The following WWOX variants were observed in gnomAD, a reference collection of about 807,000 sequenced individuals.
The protein encoded by WWOX is WW domain containing oxidoreductase.
Under a neutral mutation model 46.2 loss-of-function variants are expected in WWOX, and 69 were observed. The observed-to-expected ratio is 1.49, with a 90% CI of 1.23 to 1.82. The LOEUF (loss-of-function observed/expected upper bound fraction) is 1.82. Among genes scored for constraint, WWOX ranks in the 40% most tolerant of loss-of-function variants. The pLI, the probability that WWOX is intolerant of heterozygous loss-of-function variation, is 0.00. For synonymous variants in WWOX, 359 were observed against 202.6 expected, an observed-to-expected ratio of 1.77 and a Z score of -6.56; for missense variants, 919 against 542.6, an observed-to-expected ratio of 1.69 and a Z score of -6.89.
At chr16:78,698,965 C>T (rs571269407) in intron 8 of WWOX, among the ~76,000 whole-genome samples, 1 of 152,190 alleles carries the variant, frequency 6.6e-6, no homozygotes, top group Non-Finnish European at 1.5e-5. Flanking sequence ...AAAATAGAAA[C>T]TGTTAGGCCA....
At chr16:78,258,520 C>G (rs934625517) in intron 5 of WWOX, among the ~76,000 whole-genome samples, 2 of 152,082 alleles carry the variant, frequency 1.3e-5, no homozygotes, top group African/African-American at 2.4e-5. Flanking sequence ...TGCCAGGGCT[C>G]TGCTTTAAAA....
At chr16:78,817,482 G>T (rs985006589) in intron 8 of WWOX, among the ~76,000 whole-genome samples, 1 of 152,148 alleles carries the variant, frequency 6.6e-6, no homozygotes, top group Non-Finnish European at 1.5e-5. Flanking sequence ...CTCTGGATGT[G>T]CATAAGGCAC....
At chr16:78,268,889 C>G (rs6564518) in intron 5 of WWOX, among the ~76,000 whole-genome samples, 260 of 152,158 alleles carry the variant, frequency 1.7e-3, no homozygotes, top group African/African-American at 6.1e-3. Context: ...ATTAAAAAAA[C>G]CCTTTCTATT....
intron 5 of WWOX, among the ~76,000 whole-genome samples, chr16:78,308,708 A>G (rs2080179028): frequency 6.6e-6 from 1 of 152,202 alleles, no homozygotes; most frequent in Non-Finnish European, 1.5e-5. Flanking sequence ...GATAAGAGAT[A>G]TTTACCATTT....
intron 1 of WWOX, among the ~76,000 whole-genome samples, chr16:78,102,821 G>A (rs909209549): frequency 6.6e-6 from 1 of 152,142 alleles, no homozygotes; most frequent in Admixed American, 6.5e-5. Context: ...GAAGCCATAA[G>A]ATGAGCCCCT....
Position 78,341,239 on chromosome 16 carries a change from C to G in WWOX, c.517-45621C>G, listed in dbSNP as rs149089134. On this transcript the variant is annotated intron_variant, in intron 5 of 8. Coordinates refer to ENST00000566780, the MANE Select transcript of WWOX (RefSeq NM_016373.4). ...CTGGTCTCACTGTAATTCCTGGGCT[C>G]AAGTTACCTCTCACCTTGGCCTCCC... 1.0e-4 allele frequency among the ~76,000 whole-genome samples: 10 copies of G among 99,646 alleles called. No individual in the cohort carries two copies. The East Asian group carries it at 1.7e-3, about 17-fold the overall frequency. The allele number at this position is 99,646 out of a possible 152,430, so 65.4% of individuals were successfully genotyped here. A position where few individuals can be genotyped will look rare whatever the true frequency, so the allele number is the denominator to read the frequency against.
Position 78,801,770 on chromosome 16 carries a change from A to G in WWOX, c.1056+369018A>G, listed in dbSNP as rs574958304. On this transcript the variant is annotated intron_variant, in intron 8 of 8. Transcript: ENST00000566780. ...AGTGTATATGGATTGATGACATTTCAGTTTCAGACAAAGGGACATTTCATT... is the reference window on the plus strand; with the variant it reads ...AGTGTATATGGATTGATGACATTTCGGTTTCAGACAAAGGGACATTTCATT... Among the ~76,000 whole-genome samples, 36 of 152,314 alleles carry G rather than the reference A, an allele frequency of 2.4e-4. 1 individual carries two copies. The South Asian group carries it at 6.4e-3, about 27-fold the overall frequency.
At chr16:78,621,958 C>A (rs986625491) in intron 8 of WWOX, among the ~76,000 whole-genome samples, 1 of 151,972 alleles carries the variant, frequency 6.6e-6, no homozygotes, top group Non-Finnish European at 1.5e-5. Context: ...TGAAATTGTA[C>A]TGGTTTTTCT....
At chr16:79,069,297 G>T (rs143373035) in intron 8 of WWOX, among the ~76,000 whole-genome samples, 1 of 152,204 alleles carries the variant, frequency 6.6e-6, no homozygotes, top group Non-Finnish European at 1.5e-5. Flanking sequence ...AGCGAAGGCC[G>T]TGTGGCTTCG....
chr16:79,068,968 G>A (rs775410215), intron 8 of WWOX, among the ~76,000 whole-genome samples: 19 of 152,092 alleles, frequency 1.2e-4, no homozygotes, highest in African/African-American at 3.4e-4. Context: ...GTTGTCTTAC[G>A]CACAGGCGTA....
chr16:79,154,187 C>T (rs569160390), intron 8 of WWOX, among the ~76,000 whole-genome samples: 26 of 152,200 alleles, frequency 1.7e-4, no homozygotes, highest in East Asian at 1.9e-4. Context: ...CACTACAGAT[C>T]GACACCCACT....
At chr16:78,993,926 C>T (rs2046938373) in intron 8 of WWOX, among the ~76,000 whole-genome samples, 1 of 152,166 alleles carries the variant, frequency 6.6e-6, no homozygotes, top group South Asian at 2.1e-4. Context: ...TATGTGACCG[C>T]TTCCCCCGTG....
chr16:78,942,321 T>G (rs964402342), intron 8 of WWOX, among the ~76,000 whole-genome samples: 3 of 152,168 alleles, frequency 2.0e-5, no homozygotes, highest in African/African-American at 7.2e-5. Flanking sequence ...GGGTTAAAAG[T>G]CATCAAGCTG....
chr16:79,014,759 C>T (rs957717059), intron 8 of WWOX, among the ~76,000 whole-genome samples: 4 of 152,126 alleles, frequency 2.6e-5, no homozygotes, highest in African/African-American at 4.8e-5. Context: ...TAAGTGGATT[C>T]GAGTTAGTTT....
At chr16:78,567,874 C>G (rs1289894881) in intron 8 of WWOX, among the ~76,000 whole-genome samples, 1 of 152,118 alleles carries the variant, frequency 6.6e-6, no homozygotes, top group African/African-American at 2.4e-5. Context: ...GCAGCTCGTC[C>G]CGTGTCTAAT....
intron 8 of WWOX, among the ~76,000 whole-genome samples, chr16:78,635,031 C>G (rs915434710): frequency 6.6e-6 from 1 of 152,088 alleles, no homozygotes; most frequent in African/African-American, 2.4e-5. Context: ...CTCATCCAAC[C>G]CTGACGGCTT....
Position 78,589,346 on chromosome 16 carries a change from G to T in WWOX, c.1056+156594G>T, listed in dbSNP as rs1157895775. Among the ~76,000 whole-genome samples, 4 of 152,304 alleles carry T rather than the reference G, an allele frequency of 2.6e-5. No homozygotes were observed. In the East Asian group the frequency reaches 7.7e-4, roughly 29 times the overall value. On this transcript the variant is annotated intron_variant, in intron 8 of 8. Transcript: ENST00000566780. ...TTGATGGGGGGACACATGCCAGCCA[G>T]GTTACCTGATTCATCTAGTTGTGAT...
At chr16:78,545,866 G>GCACA (rs2044018767) in intron 8 of WWOX, among the ~76,000 whole-genome samples, 1 of 152,136 alleles carries the variant, frequency 6.6e-6, no homozygotes, top group South Asian at 2.1e-4. Context: ...CATCCCTGGT[G>GCACA]TCTCTTCCTC....
intron 5 of WWOX, among the ~76,000 whole-genome samples, chr16:78,239,768 C>T (rs967027997): frequency 2.6e-5 from 4 of 152,080 alleles, no homozygotes; most frequent in African/African-American, 9.7e-5. Context: ...CTCCTGACCT[C>T]AGGTGATCCG....
Sources: allele counts gnomAD v4.1 joint callset (sites outside exome capture counted in the v4.1 genomes callset), GRCh38; gene constraint gnomAD v4.1.1; transcripts MANE v1.5; gene names NCBI Gene and HGNC (gene_info 2026-07-23, HGNC 2026-07-21).